SGO2: variants seen among roughly 807,000 people sequenced by gnomAD.
SGO2 encodes shugoshin-like 2.
In SGO2, 68 loss-of-function variants were observed where a neutral mutation model predicts 99.5. The observed-to-expected ratio is 0.68, with a 90% CI of 0.56 to 0.84. The LOEUF (loss-of-function observed/expected upper bound fraction) is 0.84, where lower values mean the gene tolerates loss of function less well. Among genes scored for constraint, SGO2 ranks in the 40% least tolerant of loss-of-function variants. The pLI is 0.00. For synonymous variants in SGO2, 457 were observed against 487.1 expected (o/e 0.94, Z 0.81); for missense variants, 1,350 against 1,436.7 (o/e 0.94, Z 0.97).
chr2:200,540,831 C>G (rs2031929745), intron 4 of SGO2, among the ~76,000 whole-genome samples: 1 of 152,214 alleles, frequency 6.6e-6, no homozygotes, highest in African/African-American at 2.4e-5. Flanking sequence ...TTGTTTTAGT[C>G]TGTTTGCTGC....
Position 200,569,842 on chromosome 2 carries a change from G to T in SGO2, c.653G>T (p.Gly218Val). 6.2e-7 allele frequency: 1 copy of T among 1,603,182 alleles called. No individual in the cohort carries two copies. The highest frequency in any genetic ancestry group is 8.5e-7 in the Non-Finnish European group (1 of 1,170,330). Residue 218 changes from glycine to valine, a missense_variant, in exon 6 of 9, where the codon GGT becomes GTT. By Grantham distance (109) the Gly-to-Val change is moderately radical (BLOSUM62 -3). Coordinates refer to ENST00000357799, the MANE Select transcript of SGO2 (RefSeq NM_152524.6). ...FLKENNQNVY[G>V]LDDSEHISSI... ...AAAGAAAATAATCAAAATGTATATGGTTTAGATGATTCAGAACATATTTCT... is the reference window on the plus strand; with the variant it reads ...AAAGAAAATAATCAAAATGTATATGTTTTAGATGATTCAGAACATATTTCT...
At position 200,559,332 on chromosome 2, in the gene SGO2, T is replaced by C. The variant is rs780808961; in HGVS notation, c.474-10331T>C. On this transcript the variant is annotated intron_variant, in intron 5 of 8. Coordinates refer to ENST00000357799, the MANE Select transcript of SGO2 (RefSeq NM_152524.6). ...TGTGTTTCATCACTTTTTTTCTTAG[T>C]CTTGCTCTAGAGGTCTGTCAATTTT... Among the ~76,000 whole-genome samples the C allele has an allele frequency of 1.1e-3, 167 of 152,180 alleles. 1 individual carries two copies. Among genetic ancestry groups the C allele is most frequent in the Admixed American group, 1.4e-3 (22 of 15,280 alleles).
At chr2:200,538,050 G>A (rs1430390046) in intron 4 of SGO2, among the ~76,000 whole-genome samples, 1 of 152,070 alleles carries the variant, frequency 6.6e-6, no homozygotes, top group African/African-American at 2.4e-5. Flanking sequence ...CTTACATATT[G>A]TATTAATATT....
At chr2:200,547,625 T>C (rs938373727) in intron 5 of SGO2, among the ~76,000 whole-genome samples, 1 of 152,070 alleles carries the variant, frequency 6.6e-6, no homozygotes. Flanking sequence ...AAAGACAAAA[T>C]GTTGGAGGGT....
At position 200,573,358 on chromosome 2, in the gene SGO2, A is replaced by C. The variant is rs767400878; in HGVS notation, c.3012A>C (p.Lys1004Asn). The C allele has an allele frequency of 1.4e-5, 23 of 1,603,476 alleles. No homozygotes were observed. The highest frequency in any genetic ancestry group is 1.6e-5 in the Non-Finnish European group (19 of 1,177,050). The change falls in exon 7 of 9, where the codon AAA becomes AAC. Residue 1004 changes from lysine to asparagine, a missense_variant. Coordinates refer to ENST00000357799, the MANE Select transcript of SGO2 (RefSeq NM_152524.6). Reference sequence around the variant, plus strand: ...ACATTTTGACAAAAGCTAAGAACAAACTTGCTTCACAGTTAACAGAATCTT... The same window carrying C: ...ACATTTTGACAAAAGCTAAGAACAACCTTGCTTCACAGTTAACAGAATCTT... ...AKNILTKAKNKLASQLTESSQ... is the reference protein window; with the variant it reads ...AKNILTKAKNNLASQLTESSQ...
In SGO2 at chr2:200,573,320, T is replaced by C; in HGVS notation, c.2974T>C (p.Cys992Arg). ...VVKKRKKESS[C>R]KAKNILTKAK... ...TAAAAAACGTAAGAAAGAATCATCA[T>C]GCAAGGCAAAGAACATTTTGACAAA... Residue 992 changes from cysteine to arginine, a missense_variant, in exon 7 of 9, where the codon TGC becomes CGC. Cys to Arg is a radical substitution (Grantham distance 180). Transcript: ENST00000357799. 1 of 1,605,524 alleles carries C rather than the reference T, an allele frequency of 6.2e-7. No homozygotes were observed. Among genetic ancestry groups the C allele is most frequent in the Non-Finnish European group, 8.5e-7 (1 of 1,177,594 alleles).
At chr2:200,567,355 T>G (rs1386091692) in intron 5 of SGO2, among the ~76,000 whole-genome samples, 1 of 152,248 alleles carries the variant, frequency 6.6e-6, no homozygotes, top group Non-Finnish European at 1.5e-5. Flanking sequence ...GCTTCATTGA[T>G]TTTATTTTTC....
At chr2:200,560,523 T>C (rs1346971070) in intron 5 of SGO2, among the ~76,000 whole-genome samples, 2 of 152,104 alleles carry the variant, frequency 1.3e-5, no homozygotes, top group East Asian at 1.9e-4. Context: ...TTTTTGCATT[T>C]CTAGAGAGAA....
At chr2:200,536,834 G>A (rs187593894) in intron 4 of SGO2, among the ~76,000 whole-genome samples, 2 of 152,152 alleles carry the variant, frequency 1.3e-5, no homozygotes, top group Admixed American at 6.5e-5. Context: ...ACATCAGAAC[G>A]AGATAAGAAA....
At position 200,570,304 on chromosome 2, in the gene SGO2, G is replaced by A. The variant is rs1320071283; in HGVS notation, c.703+412G>A. 6.6e-6 allele frequency among the ~76,000 whole-genome samples: 1 copy of A among 151,788 alleles called. No individual in the cohort carries two copies. Among genetic ancestry groups the A allele is most frequent in the East Asian group, 1.9e-4 (1 of 5,190 alleles). On this transcript the variant is annotated intron_variant, in intron 6 of 8. Coordinates refer to ENST00000357799, the MANE Select transcript of SGO2 (RefSeq NM_152524.6). This position sits in a 1 kb window ranked among gnomAD's most constrained non-coding sequence, Gnocchi z 4.4. ...ATGGTAAAGCAAAAACTTGAGTCTG[G>A]GTAATGGTTGAGCAAGAAAAAAGAT...
intron 5 of SGO2, among the ~76,000 whole-genome samples, chr2:200,562,698 G>A (rs2033021933): frequency 6.6e-6 from 1 of 152,172 alleles, no homozygotes. Flanking sequence ...AGCATGGAAT[G>A]TTCTTCCATT....
At chr2:200,558,347 A>G (rs1174985964) in intron 5 of SGO2, among the ~76,000 whole-genome samples, 1 of 152,166 alleles carries the variant, frequency 6.6e-6, no homozygotes, top group Admixed American at 6.5e-5. Flanking sequence ...ATGAATAACT[A>G]CTGAATTTTA....
chr2:200,569,791 A>C lies in SGO2; in HGVS notation c.602A>C (p.Gln201Pro). The C allele has an allele frequency of 6.2e-7, 1 of 1,611,004 alleles. No homozygotes were observed. Among genetic ancestry groups the C allele is most frequent in the Non-Finnish European group, 8.5e-7 (1 of 1,177,368 alleles). The change falls in exon 6 of 9, where the codon CAG (glutamine) becomes CCG (proline). Residue 201 changes from glutamine (Q) to proline (P), a missense_variant. Gln to Pro is a moderately conservative substitution (Grantham distance 76). Transcript: ENST00000357799. ...TCAACAACACAACCTTTATCAACTC[A>C]GGATAATTCGGAAGTGTTATTTCTT... ...SGSTTQPLST[Q>P]DNSEVLFLKE...
chr2:200,527,938 G>A (rs2031183475), intron 1 of SGO2, among the ~76,000 whole-genome samples: 1 of 152,206 alleles, frequency 6.6e-6, no homozygotes, highest in South Asian at 2.1e-4. Flanking sequence ...CTAAGAAAGT[G>A]ACATTTTGGC....
chr2:200,564,501 T>C, intron 5 of SGO2, among the ~76,000 whole-genome samples: 1 of 152,222 alleles, frequency 6.6e-6, no homozygotes, highest in South Asian at 2.1e-4. Context: ...AATTTTGGAA[T>C]AAGTGTGATG....
At chr2:200,563,014 A>G (rs1241475113) in intron 5 of SGO2, among the ~76,000 whole-genome samples, 1 of 152,164 alleles carries the variant, frequency 6.6e-6, no homozygotes, top group African/African-American at 2.4e-5. Flanking sequence ...AACAGTGACA[A>G]TTTGACTTCC....
At chr2:200,561,999 T>A (rs2032989827) in intron 5 of SGO2, among the ~76,000 whole-genome samples, 1 of 152,210 alleles carries the variant, frequency 6.6e-6, no homozygotes, top group Non-Finnish European at 1.5e-5. Context: ...TCTCCCATTT[T>A]GTAGGTTGCC....
chr2:200,558,518 A>G (rs1268644546), intron 5 of SGO2, among the ~76,000 whole-genome samples: 1 of 152,134 alleles, frequency 6.6e-6, no homozygotes, highest in Non-Finnish European at 1.5e-5. Flanking sequence ...CTGATGAAGT[A>G]TCCTTTTGAT....
rs1396628320 is a variant in SGO2, at chr2:200,533,547, G to GTGTGTATATA, written c.133+440_133+441insGTGTATATAT. ...TGTGTGTGTGTGTGTGTGTGTGTGT[G>GTGTGTATATA]TATACATGTGACTTTATATAGGCAA... On this transcript the variant is annotated intron_variant, in intron 2 of 8. Coordinates refer to ENST00000357799, the MANE Select transcript of SGO2 (RefSeq NM_152524.6). 1.9e-4 allele frequency among the ~76,000 whole-genome samples: 27 copies of GTGTGTATATA among 143,052 alleles called. 1 individual carries two copies. The South Asian group carries it at 2.5e-3, about 13-fold the overall frequency. The allele number at this position is 143,052 out of a possible 152,430, so 93.8% of individuals were successfully genotyped here. A position where few individuals can be genotyped will look rare whatever the true frequency, so the allele number is the denominator to read the frequency against.
Sources: gnomAD v4.1 joint callset for allele counts (sites outside exome capture counted in the v4.1 genomes callset) on GRCh38, gnomAD v4.1.1 for gene constraint, Gnocchi (gnomAD v3.1) non-coding constraint, MANE v1.5 for transcripts, NCBI Gene and HGNC (gene_info 2026-07-23, HGNC 2026-07-21) for gene names.